The following KCNT2 variants were observed in gnomAD, a reference collection of about 807,000 sequenced individuals.
KCNT2 encodes potassium sodium-activated channel subfamily T member 2.
In KCNT2, 67 loss-of-function variants were observed where a neutral mutation model predicts 153.8. That is an observed-to-expected ratio of 0.44 (90% CI 0.36 to 0.53). The LOEUF (loss-of-function observed/expected upper bound fraction) is 0.53. KCNT2 is among the 20% of genes least tolerant of loss of function. The pLI is 0.00. For synonymous variants in KCNT2, 500 were observed against 458.8 expected (o/e 1.09, Z -1.15); for missense variants, 975 against 1,354.8 (o/e 0.72, Z 4.40).
At chr1:196,434,555 A>G (rs1674448809) in intron 8 of KCNT2, among the ~76,000 whole-genome samples, 1 of 151,988 alleles carries the variant, frequency 6.6e-6, no homozygotes, top group Non-Finnish European at 1.5e-5. Context: ...CGGGATTCTC[A>G]CTGTTTAAAG....
intron 3 of KCNT2, among the ~76,000 whole-genome samples, chr1:196,485,132 T>G (rs1356914901): frequency 6.6e-6 from 1 of 151,992 alleles, no homozygotes; most frequent in Non-Finnish European, 1.5e-5. Flanking sequence ...AGGAATGAGA[T>G]CAGGTCCTTT....
chr1:196,458,052 C>A (rs1038540184), intron 8 of KCNT2, among the ~76,000 whole-genome samples: 5 of 152,016 alleles, frequency 3.3e-5, no homozygotes, highest in Non-Finnish European at 7.4e-5. Flanking sequence ...TTTTACATTT[C>A]ATCTCAGCCC....
chr1:196,584,210 G>A (rs933113679), intron 1 of KCNT2, among the ~76,000 whole-genome samples: 20 of 20,002 alleles, frequency 1.0e-3, no homozygotes, highest in Non-Finnish European at 1.0e-3. Context: ...AGAAGCTCCC[G>A]CCCAAACCCT....
intron 25 of KCNT2, among the ~76,000 whole-genome samples, chr1:196,279,831 A>G (rs937722206): frequency 6.6e-6 from 1 of 152,128 alleles, no homozygotes; most frequent in Admixed American, 6.5e-5. Flanking sequence ...GTGTCAAACT[A>G]TAAATTTGAT....
intron 3 of KCNT2, among the ~76,000 whole-genome samples, chr1:196,484,650 T>A (rs1399945620): frequency 6.6e-6 from 1 of 152,208 alleles, no homozygotes; most frequent in African/African-American, 2.4e-5. Flanking sequence ...AGGGCTTTTC[T>A]GGTTTTGGGT....
At chr1:196,304,492 T>C (rs922432058) in intron 22 of KCNT2, among the ~76,000 whole-genome samples, 2 of 152,106 alleles carry the variant, frequency 1.3e-5, no homozygotes, top group African/African-American at 4.8e-5. Context: ...TCACTCTGAT[T>C]ATAGGCACGA....
intron 1 of KCNT2, among the ~76,000 whole-genome samples, chr1:196,573,505 T>C (rs1256811704): frequency 6.6e-6 from 1 of 152,126 alleles, no homozygotes; most frequent in African/African-American, 2.4e-5. Context: ...TTAACAACTT[T>C]GATGAGCTAC....
chr1:196,553,647 A>G (rs1572810126), intron 1 of KCNT2, among the ~76,000 whole-genome samples: 2 of 151,320 alleles, frequency 1.3e-5, no homozygotes, highest in African/African-American at 4.8e-5. Context: ...AACACAATAG[A>G]TATTTACAGA....
chr1:196,340,316 A>G, intron 16 of KCNT2, 25 bp downstream of exon 16: 1 of 1,213,666 alleles, frequency 8.2e-7, no homozygotes, highest in Non-Finnish European at 1.2e-6. Context: ...TAAATTAATG[A>G]TATTTCAAAT....
intron 8 of KCNT2, among the ~76,000 whole-genome samples, chr1:196,450,479 T>C (rs1434346185): frequency 6.6e-6 from 1 of 151,930 alleles, no homozygotes; most frequent in Non-Finnish European, 1.5e-5. Context: ...TTTCCATTCC[T>C]TTCCAGATTC....
Position 196,428,135 on chromosome 1 carries a change from T to C in KCNT2, c.954A>G (p.Leu318=), listed in dbSNP as rs1673814633. The C allele has an allele frequency of 6.2e-7, 1 of 1,612,512 alleles. No homozygotes were observed. The highest frequency in any genetic ancestry group is 8.5e-7 in the Non-Finnish European group (1 of 1,179,144). ...GCCTAGGATGAGCATAGAATTCATT[T>C]AAAAAATCCATAAGTAAATCAATCT... ...SLKIDLLMDF[L]NEFYAHPRLQ... Residue 318 remains leucine (L), a synonymous_variant, in exon 10 of 28, where the codon TTA becomes TTG. Coordinates refer to ENST00000294725, the MANE Select transcript of KCNT2 (RefSeq NM_198503.5).
intron 19 of KCNT2, among the ~76,000 whole-genome samples, chr1:196,326,157 A>T (rs1006628229): frequency 1.3e-5 from 2 of 152,158 alleles, no homozygotes; most frequent in African/African-American, 4.8e-5. Flanking sequence ...TGAATTGCTT[A>T]AGTAGTCCTA....
At chr1:196,552,352 T>C (rs1658026556) in intron 1 of KCNT2, among the ~76,000 whole-genome samples, 1 of 151,320 alleles carries the variant, frequency 6.6e-6, no homozygotes, top group African/African-American at 2.4e-5. Flanking sequence ...TTTCTAGGAG[T>C]CTTTATAATA....
chr1:196,406,136 T>C (rs1671810552), intron 12 of KCNT2, among the ~76,000 whole-genome samples: 1 of 151,470 alleles, frequency 6.6e-6, no homozygotes, highest in African/African-American at 2.4e-5. Context: ...AGGTCTAATA[T>C]GTAGACTGTT....
At chr1:196,584,388 G>GA (rs1248001002) in intron 1 of KCNT2, among the ~76,000 whole-genome samples, 1 of 152,006 alleles carries the variant, frequency 6.6e-6, no homozygotes, top group Non-Finnish European at 1.5e-5. Flanking sequence ...GGAGCAGTAT[G>GA]AAAATGAGCA....
chr1:196,433,142 G>A (rs906891719), intron 8 of KCNT2, among the ~76,000 whole-genome samples: 2 of 152,032 alleles, frequency 1.3e-5, no homozygotes, highest in Admixed American at 6.6e-5. Context: ...CAGAGAGAAG[G>A]CACTCAACAG....
At chr1:196,240,604 G>A (rs914914345) in intron 26 of KCNT2, among the ~76,000 whole-genome samples, 2 of 151,938 alleles carry the variant, frequency 1.3e-5, no homozygotes, top group Non-Finnish European at 2.9e-5. Context: ...CAGATAGAAG[G>A]GCAAATGGCA....
In KCNT2 at chr1:196,528,682, G is replaced by T. The variant is rs546875582; in HGVS notation, c.96-36341C>A. On this transcript the variant is annotated intron_variant, in intron 1 of 27. Coordinates refer to ENST00000294725, the MANE Select transcript of KCNT2 (RefSeq NM_198503.5). ...ATGGAGTAGAGATTTCCTTCTTGCT[G>T]GCTTATGACTGTGAGTAATAAAAAT... Among the ~76,000 whole-genome samples, 13 of 152,196 alleles carry T rather than the reference G, an allele frequency of 8.5e-5. No homozygotes were observed. The South Asian group carries it at 2.5e-3, about 29-fold the overall frequency.
chr1:196,296,375 TAC>T (rs1307849186), intron 22 of KCNT2, among the ~76,000 whole-genome samples: 6 of 152,020 alleles, frequency 3.9e-5, no homozygotes, highest in African/African-American at 1.4e-4. Flanking sequence ...ATTAATCTGA[TAC>T]AGTTTGATTA....
Sources: gnomAD v4.1 joint callset for allele counts (sites outside exome capture counted in the v4.1 genomes callset) on GRCh38, gnomAD v4.1.1 for gene constraint, MANE v1.5 for transcripts, NCBI Gene and HGNC (gene_info 2026-07-23, HGNC 2026-07-21) for gene names.